The following SMYD3 variants were observed in gnomAD, a reference collection of about 807,000 sequenced individuals.
The protein encoded by SMYD3 is histone-lysine N-methyltransferase SMYD3.
SMYD3 carries 36 observed loss-of-function variants against 57.7 expected under a neutral mutation model. The ratio of observed to expected loss-of-function variants is 0.62; its 90% confidence interval spans 0.48 to 0.82. The LOEUF is 0.82. Among genes scored for constraint, SMYD3 ranks in the 40% least tolerant of loss-of-function variants. The probability of loss-of-function intolerance (pLI) is 0.00; values close to 1 mark genes in which losing one functional copy is unlikely to be tolerated. For missense variants in SMYD3, 515 were observed against 538.8 expected (o/e 0.96, Z 0.44); for synonymous variants, 211 against 195.0 (o/e 1.08, Z -0.68).
chr1:245,848,066 T>G lies in SMYD3; in HGVS notation c.1076+10430A>C, dbSNP rs188121336. ...CATCTTATTCCACAAGGAAGTTGTT[T>G]ATACTGAAAGTCAGGCAAATGCAAC... On this transcript the variant is annotated intron_variant, in intron 10 of 11. Transcript: ENST00000490107. Among the ~76,000 whole-genome samples the G allele has an allele frequency of 3.3e-5, 5 of 152,064 alleles. No individual in the cohort carries two copies. The East Asian group carries it at 7.7e-4, about 24-fold the overall frequency.
chr1:246,506,985 C>A, intron 1 of SMYD3, 69 bp downstream of exon 1: 1 of 824,706 alleles, frequency 1.2e-6, no homozygotes, highest in Non-Finnish European at 1.7e-6. Context: ...GCCGGCCGCC[C>A]GACGCCCCCC....
intron 2 of SMYD3, among the ~76,000 whole-genome samples, chr1:246,337,202 T>A (rs1354448772): frequency 6.6e-6 from 1 of 152,134 alleles, no homozygotes; most frequent in Non-Finnish European, 1.5e-5. Flanking sequence ...ATGGTACAAT[T>A]GTCAAGTAAG....
rs543237510 is a variant in SMYD3 at position 245,850,818 on chromosome 1, G to A, written c.1076+7678C>T. Among the ~76,000 whole-genome samples, 25 of 152,280 alleles carry A rather than the reference G, an allele frequency of 1.6e-4. No individual in the cohort carries two copies. The South Asian group carries it at 4.8e-3, about 29-fold the overall frequency. On this transcript the variant is annotated intron_variant, in intron 10 of 11. Coordinates refer to ENST00000490107, the MANE Select transcript of SMYD3 (RefSeq NM_001167740.2). ...CCTGGACTGCTGGCTTCTGGGAGAAGGCATCCTCTGGTGGCCAACTAGCAC... is the reference window on the plus strand; with the variant it reads ...CCTGGACTGCTGGCTTCTGGGAGAAAGCATCCTCTGGTGGCCAACTAGCAC...
chr1:246,268,099 T>TC (rs1341557278), intron 5 of SMYD3, among the ~76,000 whole-genome samples: 1 of 152,074 alleles, frequency 6.6e-6, no homozygotes, highest in Non-Finnish European at 1.5e-5. Flanking sequence ...AGGAGCTGGG[T>TC]AAAATGAAGC....
intron 5 of SMYD3, chr1:246,096,275 T>C (rs935009198): frequency 6.6e-6 from 1 of 152,218 alleles, no homozygotes. Context: ...AGAGGTTGCT[T>C]TGTGTCTTGC....
chr1:245,936,284 A>G (rs1404200048), intron 5 of SMYD3, among the ~76,000 whole-genome samples: 2 of 152,190 alleles, frequency 1.3e-5, no homozygotes, highest in Admixed American at 1.3e-4. Flanking sequence ...CCAGGTTGAA[A>G]TTCTTATAGA....
At chr1:246,346,104 A>G (rs1453737872) in intron 2 of SMYD3, among the ~76,000 whole-genome samples, 2 of 152,058 alleles carry the variant, frequency 1.3e-5, no homozygotes, top group Admixed American at 6.6e-5. Flanking sequence ...CTAACACGGT[A>G]ACACCCCATC....
intron 5 of SMYD3, among the ~76,000 whole-genome samples, chr1:246,045,859 C>G (rs1257856358): frequency 1.3e-5 from 2 of 152,164 alleles, no homozygotes; most frequent in Non-Finnish European, 2.9e-5. Flanking sequence ...ATGCAGCCAA[C>G]AGACACATGA....
At chr1:245,915,745 T>C (rs2055362591) in intron 7 of SMYD3, 105 bp from the exon 8 acceptor site, 1 of 665,874 alleles carries the variant, frequency 1.5e-6, no homozygotes. Context: ...TTGTTTTTAT[T>C]ATAAACCAAA....
chr1:245,848,974 T>TG (rs11393651), intron 10 of SMYD3, among the ~76,000 whole-genome samples: 62,102 of 151,976 alleles, frequency 0.41, 13,293 homozygotes, highest in East Asian at 0.81. Context: ...AGACAGATCC[T>TG]GGAATTAGTA....
intron 5 of SMYD3, among the ~76,000 whole-genome samples, chr1:246,060,330 T>C (rs1401494323): frequency 3.3e-5 from 5 of 151,894 alleles, no homozygotes; most frequent in Admixed American, 6.6e-5. Flanking sequence ...AAACATTATA[T>C]ATCTGAGAAG....
At chr1:246,028,609 T>C (rs2148253049) in intron 5 of SMYD3, among the ~76,000 whole-genome samples, 1 of 152,274 alleles carries the variant, frequency 6.6e-6, no homozygotes, top group South Asian at 2.1e-4. Flanking sequence ...AGATGTCCCA[T>C]GCTTATAAAT....
chr1:245,893,827 G>A (rs953935583), intron 8 of SMYD3, among the ~76,000 whole-genome samples: 3 of 152,062 alleles, frequency 2.0e-5, no homozygotes, highest in African/African-American at 7.2e-5. Flanking sequence ...CACTAAAAAG[G>A]GTGAATTTTA....
intron 11 of SMYD3, among the ~76,000 whole-genome samples, chr1:245,751,608 A>AAAGAG (rs1390918915): frequency 5.8e-5 from 7 of 120,854 alleles, no homozygotes; most frequent in Admixed American, 9.3e-5. Flanking sequence ...GAGAGAGAGA[A>AAAGAG]AGAGAGAGAG....
chr1:246,242,000 C>T (rs998043254), intron 5 of SMYD3, among the ~76,000 whole-genome samples: 22 of 151,994 alleles, frequency 1.4e-4, no homozygotes, highest in African/African-American at 5.3e-4. Flanking sequence ...ATTAGTCTTG[C>T]TAGCGGTCTA....
At chr1:246,403,326 T>C (rs568996646) in intron 1 of SMYD3, among the ~76,000 whole-genome samples, 5 of 151,214 alleles carry the variant, frequency 3.3e-5, no homozygotes, top group Non-Finnish European at 7.4e-5. Flanking sequence ...AGGCCCTGTG[T>C]CTTAAAAAAA....
chr1:245,798,390 G>A (rs61831340), intron 10 of SMYD3, among the ~76,000 whole-genome samples: 47,946 of 55,210 alleles, frequency 0.87, 20,456 homozygotes, highest in East Asian at 0.99. Context: ...ACACACACGC[G>A]CACACACACA....
chr1:245,761,708 G>A (rs906864854), intron 11 of SMYD3, among the ~76,000 whole-genome samples: 1 of 151,744 alleles, frequency 6.6e-6, no homozygotes, highest in African/African-American at 2.4e-5. Flanking sequence ...GAAAAGAGCA[G>A]AGCCTTGGTT....
At chr1:246,210,882 A>G (rs1261675541) in intron 5 of SMYD3, among the ~76,000 whole-genome samples, 1 of 152,124 alleles carries the variant, frequency 6.6e-6, no homozygotes, top group Non-Finnish European at 1.5e-5. Context: ...CAGGGCTTCA[A>G]TTCTGATTTC....
Sources: allele counts gnomAD v4.1 joint callset (sites outside exome capture counted in the v4.1 genomes callset), GRCh38; gene constraint gnomAD v4.1.1; transcripts MANE v1.5; gene names NCBI Gene and HGNC (gene_info 2026-07-23, HGNC 2026-07-21).